SAG: variants seen among roughly 807,000 people sequenced by gnomAD.
SAG encodes the protein S-arrestin.
SAG carries 45 observed loss-of-function variants against 55.0 expected under a neutral mutation model. The ratio of observed to expected loss-of-function variants is 0.82; its 90% CI spans 0.64 to 1.05. The LOEUF is 1.05. Among genes scored for constraint, SAG ranks in the 50% least tolerant of loss-of-function variants. SAG has a pLI of 0.00. For missense variants in SAG, 455 were observed against 512.1 expected, an observed-to-expected ratio of 0.89 and a Z score of 1.08; for synonymous variants, 189 against 197.4, an observed-to-expected ratio of 0.96 and a Z score of 0.36.
chr2:233,340,363 G>T lies in SAG; in HGVS notation c.1023-92G>T. 2 of 1,114,694 alleles carry T rather than the reference G, an allele frequency of 1.8e-6. No homozygotes were observed. The highest frequency in any genetic ancestry group is 2.6e-5 in the South Asian group (2 of 76,114). 69.1% of individuals were successfully genotyped at this position (1,114,694 alleles called of 1,614,324 possible). Reference sequence around the variant, plus strand: ...TTGTGAGTTCGGGTGCAAGGGCCATGAGAGCTGGGCTGTGTCCTGCCTCTG... The same window carrying T: ...TTGTGAGTTCGGGTGCAAGGGCCATTAGAGCTGGGCTGTGTCCTGCCTCTG... On this transcript the variant is annotated intron_variant, in intron 12 of 15. Transcript: ENST00000409110. This position sits in a 1 kb window ranked among gnomAD's most constrained non-coding sequence, Gnocchi z 4.2.
chr2:233,334,853 G>A, intron 10 of SAG, 109 bp from the exon 11 acceptor site: 2 of 1,303,250 alleles, frequency 1.5e-6, no homozygotes, highest in Non-Finnish European at 2.2e-6. Context: ...CTTCCCAGGA[G>A]GTCCATCAGG....
chr2:233,310,962 G>A (rs532549886), intron 2 of SAG, among the ~76,000 whole-genome samples: 2 of 152,054 alleles, frequency 1.3e-5, no homozygotes, highest in East Asian at 1.9e-4. Flanking sequence ...TGATTCTTTC[G>A]TTCTCCAAGC....
At chr2:233,313,010 C>T (rs1209270722) in intron 2 of SAG, among the ~76,000 whole-genome samples, 1 of 152,218 alleles carries the variant, frequency 6.6e-6, no homozygotes, top group Admixed American at 6.5e-5. Context: ...GCTGGGGCCT[C>T]TGTAACCGTG....
chr2:233,346,782 C>T (rs1701265058), intron 15 of SAG, 25 bp from the exon 16 acceptor site: 1 of 1,475,320 alleles, frequency 6.8e-7, no homozygotes, highest in Non-Finnish European at 9.4e-7. Flanking sequence ...GTGCAATGAT[C>T]AAAATGTTGT....
At chr2:233,312,033 G>A (rs889444279) in intron 2 of SAG, among the ~76,000 whole-genome samples, 2 of 152,166 alleles carry the variant, frequency 1.3e-5, no homozygotes, top group African/African-American at 2.4e-5. Flanking sequence ...GGCTGAGGCA[G>A]GAGAATCGCT....
chr2:233,337,394 A>G (rs1252157890), intron 11 of SAG, among the ~76,000 whole-genome samples: 2 of 152,010 alleles, frequency 1.3e-5, no homozygotes, highest in Non-Finnish European at 2.9e-5. Context: ...TCCCACCACC[A>G]CGCCTGGCTA....
intron 3 of SAG, 121 bp downstream of exon 3, chr2:233,316,256 A>G (rs1700215046): frequency 1.8e-6 from 1 of 571,376 alleles, no homozygotes; most frequent in Non-Finnish European, 3.2e-6. Flanking sequence ...AAATTAAAAC[A>G]TCAGTGAGGC....
In SAG at chr2:233,340,561, G is replaced by A; in HGVS notation, c.1046+83G>A. 1 of 1,074,272 alleles carries A rather than the reference G, an allele frequency of 9.3e-7. No individual in the cohort carries two copies. Among genetic ancestry groups the A allele is most frequent in the Non-Finnish European group, 1.4e-6 (1 of 707,946 alleles). 66.5% of individuals were successfully genotyped at this position (1,074,272 alleles called of 1,614,324 possible). A position where few individuals can be genotyped will look rare whatever the true frequency, so the allele number is the denominator to read the frequency against. On this transcript the variant is annotated intron_variant, in intron 13 of 15. Coordinates refer to ENST00000409110, the MANE Select transcript of SAG (RefSeq NM_000541.5). The surrounding 1 kb of genome is among the most constrained non-coding windows in gnomAD (Gnocchi z 4.2). ...TTGGGGCTCCAAAACGGTTTCTGAT[G>A]AAAGCTGCTTTCTGGACAGTTGTGC... is the stretch of plus-strand genomic sequence containing the variant.
rs1395898535 is a variant in SAG, at chr2:233,319,016, T to C, written c.181+221T>C. 2.8e-6 allele frequency: 2 copies of C among 705,394 alleles called. No homozygotes were observed. The highest frequency in any genetic ancestry group is 5.3e-6 in the Non-Finnish European group (2 of 376,630). 43.7% of individuals were successfully genotyped at this position (705,394 alleles called of 1,614,324 possible). On this transcript the variant is annotated intron_variant, in intron 4 of 15. Coordinates refer to ENST00000409110, the MANE Select transcript of SAG (RefSeq NM_000541.5). The surrounding 1 kb of genome is among the most constrained non-coding windows in gnomAD (Gnocchi z 4.4). ...GAGCTCACTCGCTCAGCAAAGTCATTGTCCAGGGTGGCAGATAAGTAGATG... is the reference window on the plus strand; with the variant it reads ...GAGCTCACTCGCTCAGCAAAGTCATCGTCCAGGGTGGCAGATAAGTAGATG...
In SAG at chr2:233,342,314, C is replaced by T. The variant is rs896291630; in HGVS notation, c.1090C>T (p.Pro364Ser). 3.7e-6 allele frequency: 6 copies of T among 1,607,802 alleles called. No homozygotes were observed. Among genetic ancestry groups the T allele is most frequent in the Middle Eastern group, 3.3e-4 (2 of 6,058 alleles). ...EVPFRLMHPQ[P>S]EDPAKESYQD... ...CCCATTCCGCCTCATGCACCCTCAG[C>T]CTGAGGACCCAGGTCAGTTATGTCC... The change falls in exon 14 of 16, where the codon CCT becomes TCT. Residue 364 changes from proline to serine, a missense_variant. Physicochemically the swap from Pro to Ser is moderately conservative, Grantham distance 74. Coordinates refer to ENST00000409110, the MANE Select transcript of SAG (RefSeq NM_000541.5).
Position 233,330,569 on chromosome 2 carries a change from C to T in SAG, c.733+992C>T, listed in dbSNP as rs556332648. On this transcript the variant is annotated intron_variant, in intron 9 of 15. Transcript: ENST00000409110. Reference sequence around the variant, plus strand: ...CCTTTCTTTCACAGTCTCCCTCTGTCACCCAGGCTGGAGTGCAGTGGTGTG... The same window carrying T: ...CCTTTCTTTCACAGTCTCCCTCTGTTACCCAGGCTGGAGTGCAGTGGTGTG... 4.0e-5 allele frequency among the ~76,000 whole-genome samples: 6 copies of T among 151,206 alleles called. No individual in the cohort carries two copies. In the South Asian group the frequency reaches 8.4e-4, roughly 21 times the overall value.
At chr2:233,308,418 G>C (rs900384133) in intron 1 of SAG, among the ~76,000 whole-genome samples, 2 of 151,956 alleles carry the variant, frequency 1.3e-5, no homozygotes, top group African/African-American at 2.4e-5. Context: ...GGTGAGCTAT[G>C]ATTGTGGCAC....
At chr2:233,330,525 C>T (rs1700723895) in intron 9 of SAG, among the ~76,000 whole-genome samples, 2 of 149,632 alleles carry the variant, frequency 1.3e-5, no homozygotes, top group East Asian at 4.0e-4. Context: ...TCCTTCCTTC[C>T]TTCCTTCCTT....
intron 3 of SAG, among the ~76,000 whole-genome samples, chr2:233,317,442 TGCAA>T (rs1700242806): frequency 6.6e-6 from 1 of 152,242 alleles, no homozygotes; most frequent in Non-Finnish European, 1.5e-5. Flanking sequence ...GTACTATCTT[TGCAA>T]CTTCCTGTGA....
At chr2:233,308,889 G>T (rs1700005026) in intron 1 of SAG, among the ~76,000 whole-genome samples, 1 of 152,180 alleles carries the variant, frequency 6.6e-6, no homozygotes, top group Non-Finnish European at 1.5e-5. Context: ...AACCTCATTG[G>T]AATCTAGCTA....
At chr2:233,334,877 G>A in intron 10 of SAG, 85 bp from the exon 11 acceptor site, 1 of 1,537,544 alleles carries the variant, frequency 6.5e-7, no homozygotes, top group Non-Finnish European at 8.9e-7. Flanking sequence ...TGTGGATCCT[G>A]GAAAATGCCT....
In SAG at chr2:233,327,159, A is replaced by C; in HGVS notation, c.474A>C (p.Thr158=). Residue 158 remains threonine, a synonymous_variant, in exon 7 of 16, where the codon ACA becomes ACC. Transcript: ENST00000409110. ...GVDFEVKAFA[T]DSTDAEEDKI... Reference sequence around the variant, plus strand: ...ACTTTGAGGTCAAAGCATTCGCCACAGACAGCACCGATGCCGAAGAGGACA... The same window carrying C: ...ACTTTGAGGTCAAAGCATTCGCCACCGACAGCACCGATGCCGAAGAGGACA... 6.2e-7 allele frequency: 1 copy of C among 1,613,932 alleles called. No individual in the cohort carries two copies. Among genetic ancestry groups the C allele is most frequent in the Non-Finnish European group, 8.5e-7 (1 of 1,179,842 alleles).
intron 2 of SAG, among the ~76,000 whole-genome samples, chr2:233,309,866 C>A (rs551266804): frequency 6.6e-6 from 1 of 152,338 alleles, no homozygotes; most frequent in East Asian, 1.9e-4. Context: ...TCCTAGCCAG[C>A]CTTGAACCCT....
At chr2:233,346,226 A>G (rs1347544959) in intron 14 of SAG, 177 bp from the exon 15 acceptor site, 3 of 481,556 alleles carry the variant, frequency 6.2e-6, no homozygotes, top group Non-Finnish European at 1.1e-5. Flanking sequence ...TGGGAAAGGC[A>G]GGGAGGCAGG....
Sources: allele counts gnomAD v4.1 joint callset (sites outside exome capture counted in the v4.1 genomes callset), GRCh38; gene constraint gnomAD v4.1.1; non-coding constraint Gnocchi (gnomAD v3.1); transcripts MANE v1.5; gene names NCBI Gene and HGNC (gene_info 2026-07-23, HGNC 2026-07-21).